The following CDH18 variants were observed in gnomAD, a reference collection of about 807,000 sequenced individuals.
CDH18 encodes cadherin 18, also known as cadherin-18.
Under a neutral mutation model 67.9 loss-of-function variants are expected in CDH18, and 31 were observed. That is an observed-to-expected ratio of 0.46 (90% CI 0.34 to 0.62). CDH18 has a LOEUF of 0.62. CDH18 is among the 20% of genes least tolerant of loss of function. The pLI, the probability that CDH18 is intolerant of heterozygous loss-of-function variation, is 0.01. For missense variants in CDH18, 890 were observed against 975.5 expected (o/e 0.91, Z 1.17); for synonymous variants, 362 against 347.2 (o/e 1.04, Z -0.48).
In CDH18 at chr5:20,551,553, C is replaced by G. The variant is rs371576231; in HGVS notation, c.-580+23909G>C. 8.0e-4 allele frequency among the ~76,000 whole-genome samples: 111 copies of G among 138,608 alleles called. 1 individual carries two copies. The highest frequency in any genetic ancestry group is 2.7e-3 in the African/African-American group (111 of 40,640). 90.9% of individuals were successfully genotyped at this position (138,608 alleles called of 152,430 possible). On this transcript the variant is annotated intron_variant, in intron 1 of 14. Coordinates refer to the CDH18 transcript ENST00000507958. ...CTGGCTTGGTACACCTACAGCTGAT[C>G]TCTACAGCTGATCTCTGTTAATCAA...
At chr5:19,483,268 C>G in intron 12 of CDH18, 33 bp downstream of exon 12, 2 of 1,579,288 alleles carry the variant, frequency 1.3e-6, no homozygotes, top group Non-Finnish European at 1.7e-6. Context: ...TCAGAATTGC[C>G]ATCATGCAAA....
intron 10 of CDH18, among the ~76,000 whole-genome samples, chr5:19,510,347 T>C (rs1744925169): frequency 6.6e-6 from 1 of 152,140 alleles, no homozygotes; most frequent in African/African-American, 2.4e-5. Context: ...TAATGATTTG[T>C]CTAAATGTGG....
intron 2 of CDH18, among the ~76,000 whole-genome samples, chr5:19,895,529 G>A (rs1171265118): frequency 6.6e-6 from 1 of 151,984 alleles, no homozygotes; most frequent in Non-Finnish European, 1.5e-5. Context: ...CCAGAGAAAT[G>A]AAAACTTATG....
intron 2 of CDH18, among the ~76,000 whole-genome samples, chr5:20,123,837 A>T (rs1174383094): frequency 6.9e-6 from 1 of 144,660 alleles, no homozygotes; most frequent in Admixed American, 7.3e-5. Context: ...CAGTGAGCTG[A>T]GATCGTGCTA....
chr5:20,376,111 T>TTTTTTTTTTTTTTTTA (rs1191167531), intron 1 of CDH18, among the ~76,000 whole-genome samples: 1 of 133,402 alleles, frequency 7.5e-6, no homozygotes, highest in Non-Finnish European at 1.6e-5. Flanking sequence ...TTTTTTTTTT[T>TTTTTTTTTTTTTTTTA]GAGACGGAGT....
chr5:19,853,048 G>A (rs1198708786), intron 2 of CDH18, among the ~76,000 whole-genome samples: 1 of 152,140 alleles, frequency 6.6e-6, no homozygotes, highest in Non-Finnish European at 1.5e-5. Context: ...GCCTCCTCCA[G>A]TAAAACTGTG....
At chr5:19,930,022 G>A (rs193135732) in intron 2 of CDH18, among the ~76,000 whole-genome samples, 2 of 152,118 alleles carry the variant, frequency 1.3e-5, no homozygotes, top group East Asian at 3.9e-4. Context: ...GATAAGAATG[G>A]CAGCTAACAC....
chr5:19,935,797 T>A (rs981742101), intron 2 of CDH18, among the ~76,000 whole-genome samples: 9 of 132,020 alleles, frequency 6.8e-5, no homozygotes, highest in Admixed American at 6.6e-4. Context: ...AGTCAGGAAC[T>A]CTCTCTCTCT....
intron 1 of CDH18, among the ~76,000 whole-genome samples, chr5:20,341,936 G>A (rs1474168301): frequency 1.3e-5 from 2 of 152,078 alleles, no homozygotes; most frequent in Non-Finnish European, 2.9e-5. Context: ...TAATGAAGCT[G>A]GTTGGTTGCT....
intron 2 of CDH18, among the ~76,000 whole-genome samples, chr5:20,039,292 G>A (rs1230996924): frequency 6.6e-6 from 1 of 152,082 alleles, no homozygotes; most frequent in Admixed American, 6.6e-5. Flanking sequence ...TAGATACAAT[G>A]CTATCCCCAT....
chr5:19,807,100 G>A (rs1281865352), intron 3 of CDH18, among the ~76,000 whole-genome samples: 1 of 152,124 alleles, frequency 6.6e-6, no homozygotes, highest in African/African-American at 2.4e-5. Context: ...TAGCTCTCTA[G>A]TTTAATTAGA....
chr5:19,939,403 C>T (rs1163281709), intron 2 of CDH18, among the ~76,000 whole-genome samples: 3 of 54,854 alleles, frequency 5.5e-5, no homozygotes, highest in African/African-American at 9.9e-5. Context: ...GGCAGTCTAG[C>T]CTTTTATTAT....
chr5:20,172,214 A>ATATATATACGTATATATATATATATACG (rs1736831129), intron 2 of CDH18, among the ~76,000 whole-genome samples: 2 of 32,846 alleles, frequency 6.1e-5, no homozygotes, highest in Non-Finnish European at 1.2e-4. Context: ...ATATATATAT[A>ATATATATACGTATATATATATATATACG]TATATATATG....
chr5:20,087,747 A>C (rs1745096510), intron 2 of CDH18, among the ~76,000 whole-genome samples: 1 of 152,222 alleles, frequency 6.6e-6, no homozygotes, highest in African/African-American at 2.4e-5. Context: ...TAGTATAAAC[A>C]TACTTTTATA....
chr5:19,823,403 AG>A (rs1380950810), intron 3 of CDH18, among the ~76,000 whole-genome samples: 1 of 152,230 alleles, frequency 6.6e-6, no homozygotes, highest in Non-Finnish European at 1.5e-5. Context: ...AAATTATAAA[AG>A]TATTAATTTG....
chr5:20,480,574 C>A (rs1343670832), intron 1 of CDH18, among the ~76,000 whole-genome samples: 2 of 151,998 alleles, frequency 1.3e-5, no homozygotes, highest in African/African-American at 4.8e-5. Flanking sequence ...TGTGCCACCA[C>A]ACTTGGCTAA....
intron 2 of CDH18, among the ~76,000 whole-genome samples, chr5:20,206,855 A>T (rs923316201): frequency 6.6e-6 from 1 of 152,024 alleles, no homozygotes; most frequent in East Asian, 1.9e-4. Context: ...ATCTCAAAAT[A>T]ATAAAGGTCA....
chr5:20,506,347 T>C (rs1754657149), intron 1 of CDH18, among the ~76,000 whole-genome samples: 1 of 152,224 alleles, frequency 6.6e-6, no homozygotes, highest in African/African-American at 2.4e-5. Context: ...CACAAAGTCA[T>C]AGTGCCTATC....
intron 6 of CDH18, among the ~76,000 whole-genome samples, chr5:19,601,976 A>G (rs954373712): frequency 1.3e-5 from 2 of 152,184 alleles, no homozygotes; most frequent in Admixed American, 1.3e-4. Context: ...CCATATGTTA[A>G]AACCCCACAA....
Sources: allele counts gnomAD v4.1 joint callset (sites outside exome capture counted in the v4.1 genomes callset), GRCh38; gene constraint gnomAD v4.1.1; transcripts MANE v1.5; gene names NCBI Gene and HGNC (gene_info 2026-07-23, HGNC 2026-07-21).